The following GPM6B variants were observed in gnomAD, a reference collection of about 807,000 sequenced individuals.
GPM6B encodes the protein glycoprotein M6B.
GPM6B carries 4 observed loss-of-function variants against 27.2 expected under a neutral mutation model. The ratio of observed to expected loss-of-function variants is 0.15; its 90% CI spans 0.07 to 0.34. GPM6B has a LOEUF of 0.34. GPM6B is among the 10% of genes least tolerant of loss of function. The pLI, the probability that GPM6B is intolerant of heterozygous loss-of-function variation, is 1.00. For missense variants in GPM6B, 183 were observed against 261.9 expected (o/e 0.70, Z 2.08); for synonymous variants, 124 against 103.1 (o/e 1.20, Z -1.23).
At chrX:13,827,361 C>T (rs926974499) in intron 1 of GPM6B, among the ~76,000 whole-genome samples, 8 of 104,518 alleles carry the variant, frequency 7.7e-5, no homozygotes, top group African/African-American at 2.8e-4. Context: ...TGGATCACTG[C>T]AGCCTCAAAC....
chrX:13,817,233 T>TG (rs1284816514), upstream of GPM6B: 1 of 711,500 alleles, frequency 1.4e-6, no homozygotes, highest in Non-Finnish European at 1.7e-6. Flanking sequence ...GGTAGGGGGG[T>TG]GGGGGAGAAG....
At position 13,817,012 on chromosome X, in the gene GPM6B, G is replaced by C. The variant is rs966686064; in HGVS notation, c.-108C>G. 2.8e-5 allele frequency: 32 copies of C among 1,127,943 alleles called. No individual in the cohort carries two copies. The highest frequency in any genetic ancestry group is 3.7e-5 in the African/African-American group (2 of 53,451). The allele number at this position is 1,127,943 out of a possible 1,213,427, so 93.0% of individuals were successfully genotyped here. A position where few individuals can be genotyped will look rare whatever the true frequency, so the allele number is the denominator to read the frequency against. On this transcript the variant is annotated 5_prime_UTR_variant, in exon 1 of 8. In the 5' UTR this introduces an upstream ATG that the reference lacks. Transcript: ENST00000316715. ...CTCCGTCTCTTATTTACACCCGTCT[G>C]ATTGAGAGGCTCTGTTCTTCACTAC...
At chrX:13,918,630 G>A (rs372480001) in intron 1 of GPM6B, among the ~76,000 whole-genome samples, 1 of 111,953 alleles carries the variant, frequency 8.9e-6, no homozygotes, top group Non-Finnish European at 1.9e-5. Context: ...ATTTTAAAAA[G>A]TTTAACTGGC....
chrX:13,885,695 C>G (rs1251312997), intron 1 of GPM6B, among the ~76,000 whole-genome samples: 6 of 111,138 alleles, frequency 5.4e-5, no homozygotes, highest in African/African-American at 3.3e-5. Context: ...CGTCCCCGCC[C>G]CACCAAGGGC....
chrX:13,872,289 G>C (rs1036895718), intron 1 of GPM6B, among the ~76,000 whole-genome samples: 1 of 103,211 alleles, frequency 9.7e-6, no homozygotes, highest in South Asian at 4.7e-4. Flanking sequence ...CCCACCTTCA[G>C]CCTTCCACGT....
At chrX:13,907,896 C>T (rs2050344722) in intron 1 of GPM6B, among the ~76,000 whole-genome samples, 1 of 111,973 alleles carries the variant, frequency 8.9e-6, no homozygotes. Flanking sequence ...TCAATTGCTA[C>T]TGGTGGCACA....
Position 13,865,559 on chromosome X carries a change from A to AAGAAAGAAAG in GPM6B, c.-198+72767_-198+72768insCTTTCTTTCT, listed in dbSNP as rs1555923733. Among the ~76,000 whole-genome samples the AAGAAAGAAAG allele has an allele frequency of 2.8e-4, 15 of 52,929 alleles. No individual in the cohort carries two copies. The East Asian group carries it at 2.9e-3, about 10-fold the overall frequency. The allele number at this position is 52,929 out of a possible 115,157, so 46.0% of individuals were successfully genotyped here. A position where few individuals can be genotyped will look rare whatever the true frequency, so the allele number is the denominator to read the frequency against. ...CATCTCTTCAAAAAAAAAAAAAAAA[A>AAGAAAGAAAG]AAAGAAAGAAAGAAAGAAAAGAAAA... On this transcript the variant is annotated intron_variant, in intron 1 of 6. Coordinates refer to the GPM6B transcript ENST00000398361.
At chrX:13,816,514 T>TA (rs777568290) in intron 1 of GPM6B, among the ~76,000 whole-genome samples, 2 of 111,636 alleles carry the variant, frequency 1.8e-5, no homozygotes, top group South Asian at 3.8e-4. Context: ...TCCTGGAATA[T>TA]AACATGCAGG....
intron 5 of GPM6B, 122 bp downstream of exon 5, chrX:13,779,696 C>G (rs2048479698): frequency 1.7e-6 from 1 of 581,577 alleles, no homozygotes; most frequent in African/African-American, 2.3e-5. Context: ...TAAAATTACT[C>G]TAATAGAAGG....
chrX:13,809,321 C>T (rs1404013262), intron 1 of GPM6B, among the ~76,000 whole-genome samples: 1 of 112,281 alleles, frequency 8.9e-6, no homozygotes, highest in Non-Finnish European at 1.9e-5. Flanking sequence ...CAATTTTCTA[C>T]TCTTCTGCTG....
At chrX:13,837,618 A>G (rs1286704881) in intron 1 of GPM6B, among the ~76,000 whole-genome samples, 8 of 107,558 alleles carry the variant, frequency 7.4e-5, no homozygotes, top group Admixed American at 3.0e-4. Flanking sequence ...AGGCCAAAAA[A>G]AGAGTCTGAT....
intron 1 of GPM6B, among the ~76,000 whole-genome samples, chrX:13,896,229 T>A: frequency 9.6e-6 from 1 of 104,237 alleles, no homozygotes; most frequent in South Asian, 4.8e-4. Context: ...AACAAAAAAG[T>A]AAATAATATA....
At chrX:13,886,191 A>G (rs2050133241) in intron 1 of GPM6B, among the ~76,000 whole-genome samples, 2 of 111,943 alleles carry the variant, frequency 1.8e-5, no homozygotes, top group African/African-American at 6.5e-5. Flanking sequence ...ATATGCAGGG[A>G]TGCAAATGTA....
intron 2 of GPM6B, among the ~76,000 whole-genome samples, chrX:13,800,972 T>C (rs887333012): frequency 9.3e-6 from 1 of 107,907 alleles, no homozygotes; most frequent in African/African-American, 3.4e-5. Context: ...ACCATGCCCA[T>C]ATGAAATCTG....
chrX:13,779,842 TCTG>T lies in GPM6B; in HGVS notation c.670_672del (p.Gln224del), dbSNP rs1363235724. 34 of 1,186,686 alleles carry T rather than the reference TCTG, an allele frequency of 2.9e-5. No individual in the cohort carries two copies. Among genetic ancestry groups the T allele is most frequent in the Admixed American group, 6.6e-5 (3 of 45,444 alleles). ...CCGTATTGTCGGATATCCACACAGA[TCTG>T]CTCCACACCCGTGGTCCCGTTGGTC... On this transcript the variant is annotated inframe_deletion, in exon 5 of 8. Coordinates refer to ENST00000316715, the MANE Select transcript of GPM6B (RefSeq NM_001001995.3).
At chrX:13,797,768 G>A (rs1026790533) in intron 2 of GPM6B, among the ~76,000 whole-genome samples, 1 of 111,635 alleles carries the variant, frequency 9.0e-6, no homozygotes, top group Non-Finnish European at 1.9e-5. Flanking sequence ...GTCTTCTGAG[G>A]TTTATTCATG....
intron 1 of GPM6B, among the ~76,000 whole-genome samples, chrX:13,896,735 T>A (rs1159498081): frequency 9.1e-6 from 1 of 110,405 alleles, no homozygotes; most frequent in Non-Finnish European, 1.9e-5. Flanking sequence ...ACCCAGCTAA[T>A]TTTTGTATTT....
chrX:13,835,144 T>G (rs1053570922), intron 1 of GPM6B, among the ~76,000 whole-genome samples: 1 of 112,090 alleles, frequency 8.9e-6, no homozygotes, highest in African/African-American at 3.2e-5. Context: ...TACATGAATG[T>G]TGGGTCCATG....
rs191088718 is a variant in GPM6B, at chrX:13,815,588, C to T, written c.61+1256G>A. On this transcript the variant is annotated intron_variant, in intron 1 of 7. Transcript: ENST00000316715. ...TGCTATGTACTTAATGCCACTGAAT[C>T]GTATACTTAAAATGGTAAATTTTAT... is the stretch of plus-strand genomic sequence containing the variant. Among the ~76,000 whole-genome samples, 76 of 110,986 alleles carry T rather than the reference C, an allele frequency of 6.8e-4. No homozygotes were observed. The East Asian group carries it at 0.02, about 29-fold the overall frequency.
Sources: allele counts gnomAD v4.1 joint callset (sites outside exome capture counted in the v4.1 genomes callset), GRCh38; gene constraint gnomAD v4.1.1; transcripts MANE v1.5; gene names NCBI Gene and HGNC (gene_info 2026-07-23, HGNC 2026-07-21).